TCF7L1: variants seen among roughly 807,000 people sequenced by gnomAD.
TCF7L1 encodes the protein transcription factor 7-like 1.
TCF7L1 carries 18 observed loss-of-function variants against 63.7 expected under a neutral mutation model. That is an observed-to-expected ratio of 0.28 (90% CI 0.20 to 0.42). The LOEUF (loss-of-function observed/expected upper bound fraction) is 0.42. Ranked by LOEUF, TCF7L1 falls within the 10% of genes least tolerant of loss-of-function variation. TCF7L1 has a pLI of 1.00. For synonymous variants in TCF7L1, 355 were observed against 340.9 expected, an observed-to-expected ratio of 1.04 and a Z score of -0.46; for missense variants, 654 against 779.3, an observed-to-expected ratio of 0.84 and a Z score of 1.91.
intron 3 of TCF7L1, among the ~76,000 whole-genome samples, chr2:85,281,736 C>G (rs1395851060): frequency 2.0e-5 from 3 of 152,192 alleles, no homozygotes; most frequent in East Asian, 3.9e-4. Context: ...CGCGCCAGGC[C>G]TGCTTGGCCC....
At chr2:85,179,100 GGCGTTGTTGTCTTTTGCTCCTAAACA>G (rs1678742659) in intron 3 of TCF7L1, among the ~76,000 whole-genome samples, 1 of 152,192 alleles carries the variant, frequency 6.6e-6, no homozygotes, top group South Asian at 2.1e-4. Flanking sequence ...GGCTTCTGCA[GGCGTTGTTGTCTTTTGCTCCTAAACA>G]GCAAAAAGAG....
chr2:85,233,877 A>G (rs1680136031), intron 3 of TCF7L1: 1 of 151,986 alleles, frequency 6.6e-6, no homozygotes, highest in Non-Finnish European at 1.5e-5. Context: ...AAATTCATCC[A>G]CATTGCTGCA....
At chr2:85,227,184 T>G (rs1679976099) in intron 3 of TCF7L1, among the ~76,000 whole-genome samples, 1 of 152,158 alleles carries the variant, frequency 6.6e-6, no homozygotes, top group African/African-American at 2.4e-5. Context: ...CCAAATCCCT[T>G]TATCTTTGGA....
At chr2:85,214,023 A>C (rs929877017) in intron 3 of TCF7L1, among the ~76,000 whole-genome samples, 2 of 152,152 alleles carry the variant, frequency 1.3e-5, no homozygotes, top group Non-Finnish European at 2.9e-5. Flanking sequence ...CCCCTGACTC[A>C]GCCACCTCCG....
At chr2:85,139,447 A>G (rs1320885317) in intron 3 of TCF7L1, among the ~76,000 whole-genome samples, 3 of 152,256 alleles carry the variant, frequency 2.0e-5, no homozygotes, top group Non-Finnish European at 2.9e-5. Flanking sequence ...TTTAAAAATT[A>G]AGTAGGAAAG....
At chr2:85,206,858 A>C (rs1261872736) in intron 3 of TCF7L1, among the ~76,000 whole-genome samples, 1 of 152,242 alleles carries the variant, frequency 6.6e-6, no homozygotes, top group African/African-American at 2.4e-5. Flanking sequence ...CTAGGAAAAA[A>C]AGATAATCCA....
intron 3 of TCF7L1, among the ~76,000 whole-genome samples, chr2:85,190,507 T>C (rs767052016): frequency 1.3e-5 from 2 of 151,892 alleles, no homozygotes; most frequent in Non-Finnish European, 2.9e-5. Flanking sequence ...GTGGTAGATG[T>C]GGAGATGGGA....
intron 3 of TCF7L1, among the ~76,000 whole-genome samples, chr2:85,203,416 A>C (rs1679323726): frequency 6.6e-6 from 1 of 152,164 alleles, no homozygotes; most frequent in Non-Finnish European, 1.5e-5. Flanking sequence ...CTAAATGGAA[A>C]ATGTATACCA....
In TCF7L1 at chr2:85,133,697, G is replaced by C; in HGVS notation, c.13G>C (p.Gly5Arg). 1 of 998,946 alleles carries C rather than the reference G, an allele frequency of 1.0e-6. No individual in the cohort carries two copies. The highest frequency in any genetic ancestry group is 2.2e-5 in the African/African-American group (1 of 46,496). The allele number at this position is 998,946 out of a possible 1,614,324, so 61.9% of individuals were successfully genotyped here. Residue 5 changes from glycine to arginine, a missense_variant, in exon 1 of 12, where the codon GGC (glycine) becomes CGC (arginine). Gly to Arg is a moderately radical substitution (Grantham distance 125). Coordinates refer to ENST00000282111, the MANE Select transcript of TCF7L1 (RefSeq NM_031283.3). This position sits in a 1 kb window ranked among gnomAD's most constrained non-coding sequence, Gnocchi z 4.4. ...CCGCGGCCCCACCATGCCCCAGCTC[G>C]GCGGCGGGGGCGGCGGCGGCGGCGG... MPQLGGGGGGGGGGS... is the reference protein window; with the variant it reads MPQLRGGGGGGGGGS...
intron 3 of TCF7L1, among the ~76,000 whole-genome samples, chr2:85,246,602 A>G (rs1202433779): frequency 1.3e-5 from 2 of 152,222 alleles, no homozygotes; most frequent in Admixed American, 6.5e-5. Context: ...CTCTCCACGC[A>G]GGTCTCCTGA....
intron 7 of TCF7L1, 151 bp downstream of exon 7, chr2:85,304,489 C>G: frequency 1.4e-6 from 1 of 691,920 alleles, no homozygotes; most frequent in Non-Finnish European, 2.4e-6. Flanking sequence ...TCACGTCCCG[C>G]GCTCCCCACC....
chr2:85,140,242 G>A (rs1046750886), intron 3 of TCF7L1, among the ~76,000 whole-genome samples: 6 of 152,158 alleles, frequency 3.9e-5, no homozygotes, highest in Non-Finnish European at 8.8e-5. Context: ...ATATTTTGGC[G>A]ATGACAGAGC....
At chr2:85,243,071 G>A (rs1468738962) in intron 3 of TCF7L1, among the ~76,000 whole-genome samples, 1 of 152,208 alleles carries the variant, frequency 6.6e-6, no homozygotes, top group African/African-American at 2.4e-5. Flanking sequence ...TGGTTAACAT[G>A]TGCAGGATTG....
rs926576864 is a variant in TCF7L1 at position 85,221,333 on chromosome 2, T to A, written c.442-62162T>A. On this transcript the variant is annotated intron_variant, in intron 3 of 11. Transcript: ENST00000282111. Reference sequence around the variant, plus strand: ...GGCCACTAGTTGAGGAAAGTTTTTCTTTACAGAAGTATTTCAGCTAATAAA... The same window carrying A: ...GGCCACTAGTTGAGGAAAGTTTTTCATTACAGAAGTATTTCAGCTAATAAA... Among the ~76,000 whole-genome samples the A allele has an allele frequency of 2.0e-5, 3 of 152,188 alleles. No individual in the cohort carries two copies. The East Asian group carries it at 5.8e-4, about 29-fold the overall frequency.
Position 85,166,349 on chromosome 2 carries a change from T to A in TCF7L1, c.441+31899T>A, listed in dbSNP as rs546753318. On this transcript the variant is annotated intron_variant, in intron 3 of 11. Transcript: ENST00000282111. ...GGGGCTAGACCTTGGGAGCAGAGTATGTTTCTCTGGGCTGGAGAGCAGGAA... is the reference window on the plus strand; with the variant it reads ...GGGGCTAGACCTTGGGAGCAGAGTAAGTTTCTCTGGGCTGGAGAGCAGGAA... 1.6e-4 allele frequency among the ~76,000 whole-genome samples: 24 copies of A among 152,290 alleles called. No individual in the cohort carries two copies. The South Asian group carries it at 5.0e-3, about 32-fold the overall frequency.
intron 3 of TCF7L1, among the ~76,000 whole-genome samples, chr2:85,218,236 TTTTATTTATTTA>T (rs139892042): frequency 1.7e-3 from 248 of 149,340 alleles, no homozygotes; most frequent in Non-Finnish European, 2.2e-3. Flanking sequence ...ACTTTACTTA[TTTTATTTATTTA>T]TTTATTTATT....
At chr2:85,267,649 CA>C (rs200180895) in intron 3 of TCF7L1, among the ~76,000 whole-genome samples, 2,620 of 98,528 alleles carry the variant, frequency 0.027, 42 homozygotes, top group African/African-American at 0.098. Context: ...GACTCTGTCT[CA>C]AAAAAAAAAA....
At chr2:85,150,586 C>CA (rs1677986257) in intron 3 of TCF7L1, among the ~76,000 whole-genome samples, 1 of 140,440 alleles carries the variant, frequency 7.1e-6, no homozygotes, top group East Asian at 2.1e-4. Context: ...AGAACCTTGA[C>CA]TTTTTTTTTT....
At chr2:85,303,738 AG>A (rs755587105) in intron 5 of TCF7L1, 156 bp from the exon 6 acceptor site, 24 of 557,176 alleles carry the variant, frequency 4.3e-5, no homozygotes, top group Non-Finnish European at 6.8e-5. Context: ...GACTGGTGAG[AG>A]CTGCTAGGGA....
Sources: allele counts gnomAD v4.1 joint callset (sites outside exome capture counted in the v4.1 genomes callset), GRCh38; gene constraint gnomAD v4.1.1; non-coding constraint Gnocchi (gnomAD v3.1); transcripts MANE v1.5; gene names NCBI Gene and HGNC (gene_info 2026-07-23, HGNC 2026-07-21).